The following IKZF1 variants were observed in gnomAD, a reference collection of about 807,000 sequenced individuals.
IKZF1 encodes the protein IKAROS family zinc finger 1, also known as DNA-binding protein Ikaros.
Under a neutral mutation model 51.7 loss-of-function variants are expected in IKZF1, and 10 were observed. That is an observed-to-expected ratio of 0.19 (90% confidence interval 0.12 to 0.33). The LOEUF is 0.33. Among genes scored for constraint, IKZF1 ranks in the 10% least tolerant of loss-of-function variants. The pLI, the probability that IKZF1 is intolerant of heterozygous loss-of-function variation, is 1.00. For synonymous variants in IKZF1, 280 were observed against 282.3 expected (o/e 0.99, Z 0.08); for missense variants, 484 against 707.5 (o/e 0.68, Z 3.58).
At position 50,401,831 on chromosome 7, in the gene IKZF1, A is replaced by G. The variant is rs907058003; in HGVS notation, c.*1204A>G. On this transcript the variant is annotated 3_prime_UTR_variant, in exon 8 of 8. Transcript: ENST00000331340. ...AGCCCAGCATCTCTGTTGCTAACACACAGAGCTCACCTGTTTGAAACCAAG... is the reference window on the plus strand; with the variant it reads ...AGCCCAGCATCTCTGTTGCTAACACGCAGAGCTCACCTGTTTGAAACCAAG... 4.0e-5 allele frequency: 9 copies of G among 224,004 alleles called. No homozygotes were observed. Among genetic ancestry groups the G allele is most frequent in the Non-Finnish European group, 7.1e-5 (8 of 112,176 alleles). The allele number at this position is 224,004 out of a possible 1,614,324, so 13.9% of individuals were successfully genotyped here. A position where few individuals can be genotyped will look rare whatever the true frequency, so the allele number is the denominator to read the frequency against.
intron 4 of IKZF1, among the ~76,000 whole-genome samples, chr7:50,379,752 A>G (rs1334221280): frequency 2.6e-5 from 4 of 152,240 alleles, no homozygotes; most frequent in African/African-American, 9.6e-5. Flanking sequence ...GTATGATTGC[A>G]GTAGACCTAC....
intron 3 of IKZF1, among the ~76,000 whole-genome samples, chr7:50,360,446 TC>T (rs770353474): frequency 5.3e-5 from 8 of 152,178 alleles, no homozygotes; most frequent in Non-Finnish European, 7.4e-5. Flanking sequence ...AAGTGATATG[TC>T]CTACACCTCA....
At chr7:50,365,347 A>C (rs1035577748) in intron 3 of IKZF1, among the ~76,000 whole-genome samples, 4 of 152,254 alleles carry the variant, frequency 2.6e-5, no homozygotes, top group African/African-American at 9.6e-5. Context: ...GACATGAAAC[A>C]AACTAATAGG....
At chr7:50,357,444 C>T (rs1416939150) in intron 3 of IKZF1, among the ~76,000 whole-genome samples, 2 of 151,776 alleles carry the variant, frequency 1.3e-5, no homozygotes, top group Non-Finnish European at 2.9e-5. Context: ...GAATGTCACC[C>T]TTCTGTGACT....
chr7:50,394,453 C>T (rs73348166), intron 7 of IKZF1: 2 of 233,214 alleles, frequency 8.6e-6, no homozygotes, highest in African/African-American at 2.2e-5. Flanking sequence ...TGTTATCACA[C>T]AAGCTGGCCC....
intron 2 of IKZF1, among the ~76,000 whole-genome samples, chr7:50,324,380 C>A (rs1794279658): frequency 6.6e-6 from 1 of 152,134 alleles, no homozygotes; most frequent in Non-Finnish European, 1.5e-5. Flanking sequence ...TAACACAGGG[C>A]CCTTGGTGGG....
chr7:50,397,697 A>G (rs1213078338), intron 7 of IKZF1, among the ~76,000 whole-genome samples: 1 of 152,250 alleles, frequency 6.6e-6, no homozygotes, highest in African/African-American at 2.4e-5. Context: ...TAGCTGCTCA[A>G]CACAAAAACA....
chr7:50,364,755 C>T (rs773264463), intron 3 of IKZF1, among the ~76,000 whole-genome samples: 5 of 152,206 alleles, frequency 3.3e-5, no homozygotes, highest in Non-Finnish European at 7.4e-5. Context: ...CAGCTGGCTC[C>T]TAGAGTGCGA....
At chr7:50,391,301 G>A (rs1375764276) in intron 6 of IKZF1, among the ~76,000 whole-genome samples, 1 of 152,222 alleles carries the variant, frequency 6.6e-6, no homozygotes, top group East Asian at 1.9e-4. Context: ...TCCGTTCACT[G>A]TGCTGGTCCA....
chr7:50,378,691 T>C (rs1056464716), intron 4 of IKZF1, among the ~76,000 whole-genome samples: 2 of 152,384 alleles, frequency 1.3e-5, no homozygotes, highest in African/African-American at 4.8e-5. Context: ...TGCTGTTTGC[T>C]GCTCACTTCT....
At chr7:50,318,978 A>C (rs942131178) in intron 1 of IKZF1, 70 bp from the exon 2 acceptor site, 2 of 961,522 alleles carry the variant, frequency 2.1e-6, no homozygotes, top group Non-Finnish European at 3.3e-6. Context: ...GGGGTTCTTT[A>C]TCTCTCTCTC....
chr7:50,396,145 G>T (rs1214534125), intron 7 of IKZF1, among the ~76,000 whole-genome samples: 2 of 150,868 alleles, frequency 1.3e-5, no homozygotes, highest in African/African-American at 4.9e-5. Context: ...ATATAAATAT[G>T]TTTTGTTCCA....
At chr7:50,371,096 G>A (rs914682665) in intron 3 of IKZF1, among the ~76,000 whole-genome samples, 3 of 152,196 alleles carry the variant, frequency 2.0e-5, no homozygotes, top group African/African-American at 7.2e-5. Flanking sequence ...TGATTCTAGG[G>A]CAGGTATGAT....
intron 3 of IKZF1, among the ~76,000 whole-genome samples, chr7:50,356,563 G>T (rs542897507): frequency 6.6e-6 from 1 of 152,316 alleles, no homozygotes; most frequent in East Asian, 1.9e-4. Flanking sequence ...ACGGCTGTGT[G>T]TCTGTGCGTG....
At chr7:50,314,767 G>A (rs1791082664) in intron 1 of IKZF1, among the ~76,000 whole-genome samples, 1 of 152,224 alleles carries the variant, frequency 6.6e-6, no homozygotes, top group South Asian at 2.1e-4. Flanking sequence ...AGCAGGTTCG[G>A]TGGAGCTCTG....
rs73348114 is a variant in IKZF1, at chr7:50,325,326, G to C, written c.41-2312G>C. Among the ~76,000 whole-genome samples, 510 of 145,598 alleles carry C rather than the reference G, an allele frequency of 3.5e-3. 3 individuals are homozygous for C. The highest frequency in any genetic ancestry group is 0.012 in the African/African-American group (467 of 39,514). On this transcript the variant is annotated intron_variant, in intron 2 of 7. Transcript: ENST00000331340. ...TCTGACAACCTTCATAAAGTCCTGGGAGTTTGAACACCATTGCTCTAGGAA... is the reference window on the plus strand; with the variant it reads ...TCTGACAACCTTCATAAAGTCCTGGCAGTTTGAACACCATTGCTCTAGGAA...
intron 5 of IKZF1, among the ~76,000 whole-genome samples, chr7:50,385,728 C>G (rs1234242926): frequency 1.3e-5 from 2 of 152,210 alleles, no homozygotes; most frequent in Non-Finnish European, 2.9e-5. Flanking sequence ...ACTGAAGTGA[C>G]AGCTTTTTCA....
intron 3 of IKZF1, among the ~76,000 whole-genome samples, chr7:50,353,623 C>A (rs1449328496): frequency 2.0e-5 from 3 of 152,196 alleles, no homozygotes; most frequent in African/African-American, 7.2e-5. Flanking sequence ...TCAGGTGGGT[C>A]AGCCCCCGAG....
At chr7:50,319,457 A>G (rs998525948) in intron 2 of IKZF1, among the ~76,000 whole-genome samples, 2 of 152,226 alleles carry the variant, frequency 1.3e-5, no homozygotes, top group South Asian at 2.1e-4. Context: ...CTTGAAAAAC[A>G]TAATTGTTGG....
Sources: allele counts gnomAD v4.1 joint callset (sites outside exome capture counted in the v4.1 genomes callset), GRCh38; gene constraint gnomAD v4.1.1; transcripts MANE v1.5; gene names NCBI Gene and HGNC (gene_info 2026-07-23, HGNC 2026-07-21).